EYA1: variants seen among roughly 807,000 people sequenced by gnomAD.
The protein encoded by EYA1 is EYA transcriptional coactivator and phosphatase 1.
A neutral mutation model predicts 82.0 loss-of-function variants in EYA1; 16 were observed. That is an observed-to-expected ratio of 0.20 (90% CI 0.13 to 0.30). The LOEUF (loss-of-function observed/expected upper bound fraction) is 0.30. Ranked by LOEUF, EYA1 falls within the 10% of genes least tolerant of loss-of-function variation. EYA1 has a pLI of 1.00. For missense variants in EYA1, 633 were observed against 730.7 expected (o/e 0.87, Z 1.54); for synonymous variants, 261 against 264.4 (o/e 0.99, Z 0.12).
chr8:71,481,105 G>A (rs1012001194), intron 2 of EYA1, among the ~76,000 whole-genome samples: 35 of 152,042 alleles, frequency 2.3e-4, no homozygotes, highest in African/African-American at 7.2e-4. Flanking sequence ...TTAAGTTAAC[G>A]AATATAGAAA....
intron 11 of EYA1, among the ~76,000 whole-genome samples, chr8:71,255,313 A>G (rs1262003108): frequency 6.6e-6 from 1 of 152,198 alleles, no homozygotes; most frequent in African/African-American, 2.4e-5. Context: ...AAAATAACAA[A>G]CTTGGAAGTG....
At chr8:71,266,914 G>A (rs533578314) in intron 11 of EYA1, among the ~76,000 whole-genome samples, 168 of 152,180 alleles carry the variant, frequency 1.1e-3, no homozygotes, top group African/African-American at 3.8e-3. Context: ...TCTCTGTCTT[G>A]TTTACTACCC....
At chr8:71,433,148 A>G (rs1224193470) in intron 2 of EYA1, among the ~76,000 whole-genome samples, 2 of 152,200 alleles carry the variant, frequency 1.3e-5, no homozygotes, top group African/African-American at 4.8e-5. Flanking sequence ...TTCAACTACT[A>G]TAGCTTCTGG....
intron 2 of EYA1, chr8:71,529,685 G>C (rs776162776): frequency 1.3e-5 from 2 of 151,810 alleles, no homozygotes; most frequent in African/African-American, 2.4e-5. Flanking sequence ...ACCGGTCAGA[G>C]GTTTTCTTCC....
chr8:71,356,083 T>TA (rs1291636360), intron 2 of EYA1, among the ~76,000 whole-genome samples: 18 of 152,302 alleles, frequency 1.2e-4, no homozygotes, highest in Admixed American at 1.2e-3. Context: ...AGGTCGCACT[T>TA]ACATTGACTA....
intron 7 of EYA1, among the ~76,000 whole-genome samples, chr8:71,307,749 C>T (rs1820882705): frequency 6.6e-6 from 1 of 152,166 alleles, no homozygotes; most frequent in African/African-American, 2.4e-5. Context: ...GGTACAAGAA[C>T]TTCGCATCCA....
At chr8:71,346,105 TGGC>T (rs1825674239) in intron 3 of EYA1, among the ~76,000 whole-genome samples, 11 of 152,098 alleles carry the variant, frequency 7.2e-5, no homozygotes, top group Admixed American at 6.6e-5. Context: ...CTTCCTGGCA[TGGC>T]ACTCAATATT....
intron 12 of EYA1, among the ~76,000 whole-genome samples, chr8:71,221,980 C>T (rs548579229): frequency 6.6e-5 from 10 of 152,284 alleles, no homozygotes; most frequent in Admixed American, 4.6e-4. Flanking sequence ...TGCATGGGAA[C>T]GGGGCGAGCA....
intron 2 of EYA1, among the ~76,000 whole-genome samples, chr8:71,477,270 G>A (rs1373673252): frequency 6.6e-6 from 1 of 151,964 alleles, no homozygotes; most frequent in Admixed American, 6.6e-5. Flanking sequence ...TATCATAAAA[G>A]TAAAAAAGAC....
At chr8:71,349,213 C>G (rs1826061769) in intron 3 of EYA1, among the ~76,000 whole-genome samples, 1 of 152,202 alleles carries the variant, frequency 6.6e-6, no homozygotes, top group Non-Finnish European at 1.5e-5. Flanking sequence ...AACTTCAAGA[C>G]CGGACTATAA....
chr8:71,503,283 C>A (rs1048526303), intron 2 of EYA1, among the ~76,000 whole-genome samples: 3 of 151,958 alleles, frequency 2.0e-5, no homozygotes, highest in African/African-American at 7.2e-5. Context: ...ATCACGAGGT[C>A]AAGGGTTCGA....
intron 9 of EYA1, among the ~76,000 whole-genome samples, chr8:71,278,394 T>G (rs1220930805): frequency 2.0e-5 from 3 of 152,246 alleles, no homozygotes; most frequent in Non-Finnish European, 4.4e-5. Context: ...CAAATAGTTT[T>G]CAAAGGACTG....
At chr8:71,354,532 T>C (rs1826647096) in intron 3 of EYA1, among the ~76,000 whole-genome samples, 1 of 152,168 alleles carries the variant, frequency 6.6e-6, no homozygotes. Context: ...CACACAAATA[T>C]GTATAATATA....
intron 12 of EYA1, among the ~76,000 whole-genome samples, chr8:71,230,177 T>G (rs1471318908): frequency 6.9e-6 from 1 of 144,864 alleles, no homozygotes; most frequent in African/African-American, 2.5e-5. Flanking sequence ...CCTTAAAAAA[T>G]AAAAAAAAAA....
chr8:71,526,481 T>G (rs866048535), intron 2 of EYA1, among the ~76,000 whole-genome samples: 4 of 152,186 alleles, frequency 2.6e-5, no homozygotes, highest in African/African-American at 9.7e-5. Context: ...GCAGTTTAGC[T>G]GGGTGGTACT....
chr8:71,258,499 A>T lies in EYA1; in HGVS notation c.1050+11241T>A, dbSNP rs758875113. Reference sequence around the variant, plus strand: ...AGCCTAACGTTCTGAGTACCACCTGATACTTCTATGGTGGAGTCTTAAACT... The same window carrying T: ...AGCCTAACGTTCTGAGTACCACCTGTTACTTCTATGGTGGAGTCTTAAACT... On this transcript the variant is annotated intron_variant, in intron 11 of 17. Transcript: ENST00000340726. Among the ~76,000 whole-genome samples, 6 of 152,304 alleles carry T rather than the reference A, an allele frequency of 3.9e-5. No individual in the cohort carries two copies. In the East Asian group the frequency reaches 1.2e-3, roughly 29 times the overall value.
chr8:71,231,116 A>G (rs1811140427), intron 12 of EYA1, among the ~76,000 whole-genome samples: 1 of 152,208 alleles, frequency 6.6e-6, no homozygotes, highest in Admixed American at 6.5e-5. Flanking sequence ...CTCACTGAAT[A>G]GTTACACGGA....
At chr8:71,270,153 C>T (rs1248062396) in intron 10 of EYA1, 2 of 241,428 alleles carry the variant, frequency 8.3e-6, no homozygotes, top group African/African-American at 4.5e-5. Context: ...CTGGTTATAA[C>T]TTGAGATAGA....
intron 12 of EYA1, among the ~76,000 whole-genome samples, chr8:71,228,643 C>T (rs370784982): frequency 8.5e-5 from 13 of 152,162 alleles, no homozygotes; most frequent in African/African-American, 2.9e-4. Flanking sequence ...GTAGCAGTGT[C>T]ACTAGAAAAT....
Sources: allele counts gnomAD v4.1 joint callset (sites outside exome capture counted in the v4.1 genomes callset), GRCh38; gene constraint gnomAD v4.1.1; transcripts MANE v1.5; gene names NCBI Gene and HGNC (gene_info 2026-07-23, HGNC 2026-07-21).